Variants in SHANK2 observed in about 807,000 individuals in gnomAD.
SHANK2 encodes SH3 and multiple ankyrin repeat domains protein 2.
In SHANK2, 43 loss-of-function variants were observed where a neutral mutation model predicts 133.7. That is an observed-to-expected ratio of 0.32 (90% CI 0.25 to 0.41). The LOEUF (loss-of-function observed/expected upper bound fraction) is 0.41, where lower values mean the gene tolerates loss of function less well. SHANK2 is among the 10% of genes least tolerant of loss of function. The probability of loss-of-function intolerance (pLI) is 1.00; values close to 1 mark genes in which losing one functional copy is unlikely to be tolerated. For missense variants in SHANK2, 1,994 were observed against 2,235.8 expected, an observed-to-expected ratio of 0.89 and a Z score of 2.18; for synonymous variants, 1,017 against 952.8, an observed-to-expected ratio of 1.07 and a Z score of -1.24.
chr11:70,633,588 A>G (rs2061030479), intron 17 of SHANK2: 1 of 152,234 alleles, frequency 6.6e-6, no homozygotes, highest in Non-Finnish European at 1.5e-5. Context: ...TCGAGATGGA[A>G]GAATCTCAGC....
At chr11:70,893,245 G>A (rs1325652856) in intron 11 of SHANK2, among the ~76,000 whole-genome samples, 1 of 152,174 alleles carries the variant, frequency 6.6e-6, no homozygotes, top group South Asian at 2.1e-4. Context: ...TAAACAATGG[G>A]CAAAGACCCG....
intron 14 of SHANK2, among the ~76,000 whole-genome samples, chr11:70,736,751 C>T (rs1373356196): frequency 6.6e-6 from 1 of 152,166 alleles, no homozygotes; most frequent in South Asian, 2.1e-4. Context: ...GGCGGCTCCC[C>T]GCCACGCACC....
intron 11 of SHANK2, chr11:70,873,123 GAT>G (rs1231100834): frequency 1.3e-5 from 6 of 471,124 alleles, no homozygotes; most frequent in African/African-American, 1.2e-4. Flanking sequence ...TTTATAGAAT[GAT>G]ATGTTTGTGG....
At chr11:70,862,247 C>A (rs374854617) in intron 11 of SHANK2, among the ~76,000 whole-genome samples, 1 of 152,168 alleles carries the variant, frequency 6.6e-6, no homozygotes, top group African/African-American at 2.4e-5. Flanking sequence ...AAACCTGCTG[C>A]GATTAAGTGT....
At chr11:70,719,207 G>A (rs1946020947) in intron 14 of SHANK2, among the ~76,000 whole-genome samples, 1 of 152,174 alleles carries the variant, frequency 6.6e-6, no homozygotes, top group Admixed American at 6.5e-5. Context: ...CACCCACGTT[G>A]GAATAGACAC....
intron 10 of SHANK2, among the ~76,000 whole-genome samples, chr11:70,921,676 A>G (rs1323272041): frequency 2.0e-5 from 3 of 152,244 alleles, no homozygotes; most frequent in Non-Finnish European, 4.4e-5. Context: ...GAGGGCTACA[A>G]TCTAGAAGGA....
At chr11:70,719,144 CT>C (rs1946019219) in intron 14 of SHANK2, among the ~76,000 whole-genome samples, 1 of 152,234 alleles carries the variant, frequency 6.6e-6, no homozygotes, top group Admixed American at 6.5e-5. Context: ...TGAACGCTGC[CT>C]GGGGTTCCAG....
At position 70,486,431 on chromosome 11, in the gene SHANK2, G is replaced by C; in HGVS notation, c.3862C>G (p.Arg1288Gly). 1 of 1,614,036 alleles carries C rather than the reference G, an allele frequency of 6.2e-7. No individual in the cohort carries two copies. Among genetic ancestry groups the C allele is most frequent in the Non-Finnish European group, 8.5e-7 (1 of 1,180,028 alleles). The change falls in exon 25 of 26, where the codon CGA becomes GGA. Residue 1288 changes from arginine to glycine, a missense_variant. By Grantham distance (125) the Arg-to-Gly change is moderately radical. Transcript: ENST00000601538. The surrounding 1 kb of genome is among the most constrained non-coding windows in gnomAD (Gnocchi z 8.0). Reference protein sequence around the residue: ...TENKYETDLGRDRKGDDKKNM... With the variant: ...TENKYETDLGGDRKGDDKKNM... Reference sequence around the variant, plus strand: ...TTCTTGTCATCGCCTTTCCGGTCTCGGCCCAGGTCGGTCTCGTACTTGTTC... The same window carrying C: ...TTCTTGTCATCGCCTTTCCGGTCTCCGCCCAGGTCGGTCTCGTACTTGTTC...
chr11:70,835,172 A>C (rs930524506), intron 11 of SHANK2, among the ~76,000 whole-genome samples: 26 of 152,204 alleles, frequency 1.7e-4, no homozygotes, highest in Admixed American at 1.0e-3. Flanking sequence ...CCCAGTGCAC[A>C]GGACACTACT....
chr11:71,228,404 T>A (rs922468223), intron 1 of SHANK2, among the ~76,000 whole-genome samples: 1 of 152,230 alleles, frequency 6.6e-6, no homozygotes, highest in African/African-American at 2.4e-5. Flanking sequence ...GAACATTTCT[T>A]AATTTATTTT....
chr11:71,098,042 A>T (rs782569864), intron 6 of SHANK2, among the ~76,000 whole-genome samples: 42 of 138,622 alleles, frequency 3.0e-4, no homozygotes, highest in Non-Finnish European at 5.5e-4. Context: ...CTGTGTGTGC[A>T]TGTGTGCATG....
rs551738501 is a variant in SHANK2, at chr11:70,470,294, T to C, written c.*2575A>G. The C allele has an allele frequency of 6.6e-6, 1 of 152,424 alleles. No individual in the cohort carries two copies. Among genetic ancestry groups the C allele is most frequent in the South Asian group, 2.1e-4 (1 of 4,832 alleles). 9.4% of individuals were successfully genotyped at this position (152,424 alleles called of 1,614,324 possible). A position where few individuals can be genotyped will look rare whatever the true frequency, so the allele number is the denominator to read the frequency against. ...TAAAAATAAACTATGTTATCAGCTC[T>C]TTAGTCTTGCAGCCAGCTTGCTTGT... is the stretch of plus-strand genomic sequence containing the variant. On this transcript the variant is annotated 3_prime_UTR_variant, in exon 26 of 26. Coordinates refer to ENST00000601538, the MANE Select transcript of SHANK2 (RefSeq NM_012309.5).
At chr11:70,839,160 TATTC>T (rs1252719892) in intron 11 of SHANK2, among the ~76,000 whole-genome samples, 7 of 152,240 alleles carry the variant, frequency 4.6e-5, no homozygotes, top group African/African-American at 1.7e-4. Flanking sequence ...CACTTGCGGA[TATTC>T]AGTAAAGTGG....
At chr11:70,510,959 T>A (rs1180924595) in intron 17 of SHANK2, among the ~76,000 whole-genome samples, 1 of 152,254 alleles carries the variant, frequency 6.6e-6, no homozygotes, top group Admixed American at 6.5e-5. Flanking sequence ...CATGCTGGTC[T>A]TAAGTTCTCA....
intron 7 of SHANK2, 134 bp from the exon 8 acceptor site, chr11:71,092,723 C>T: frequency 1.3e-6 from 1 of 787,810 alleles, no homozygotes; most frequent in Non-Finnish European, 2.0e-6. Flanking sequence ...CCCAGTGCTT[C>T]TCCTGGGCTC....
chr11:71,080,449 T>C (rs1951282853), intron 8 of SHANK2, among the ~76,000 whole-genome samples: 1 of 152,068 alleles, frequency 6.6e-6, no homozygotes, highest in Non-Finnish European at 1.5e-5. Context: ...GACCTAAAAC[T>C]ATGGCAAGAG....
chr11:71,113,378 C>CA lies in SHANK2; in HGVS notation c.412-15dup. On this transcript the variant is annotated splice_polypyrimidine_tract_variant and intron_variant, in intron 4 of 25. Transcript: ENST00000601538. ...CTTGTATCGAAACTGGCACAGAAAA[C>CA]AAAAAAGAGAGAGAAAACAAGTCAA... 2 of 1,549,912 alleles carry CA rather than the reference C, an allele frequency of 1.3e-6. No individual in the cohort carries two copies. The highest frequency in any genetic ancestry group is 1.2e-5 in the South Asian group (1 of 83,834).
chr11:70,951,378 G>A (rs57871355), intron 10 of SHANK2, among the ~76,000 whole-genome samples: 1 of 148,916 alleles, frequency 6.7e-6, no homozygotes, highest in Non-Finnish European at 1.5e-5. Flanking sequence ...GGGTGGTGAT[G>A]TCATAAATTC....
chr11:70,567,354 C>A (rs908594321), intron 17 of SHANK2, among the ~76,000 whole-genome samples: 1 of 151,978 alleles, frequency 6.6e-6, no homozygotes, highest in East Asian at 1.9e-4. Flanking sequence ...TGAGGCCGGG[C>A]GTGGTGGCTC....
Sources: gnomAD v4.1 joint callset for allele counts (sites outside exome capture counted in the v4.1 genomes callset) on GRCh38, gnomAD v4.1.1 for gene constraint, Gnocchi (gnomAD v3.1) non-coding constraint, MANE v1.5 for transcripts, NCBI Gene and HGNC (gene_info 2026-07-23, HGNC 2026-07-21) for gene names.